MOXD1: variants seen among roughly 807,000 people sequenced by gnomAD.
The protein encoded by MOXD1 is DBH-like monooxygenase protein 1.
MOXD1 carries 62 observed loss-of-function variants against 66.6 expected under a neutral mutation model. That is an observed-to-expected ratio of 0.93 (90% CI 0.76 to 1.15). The LOEUF (loss-of-function observed/expected upper bound fraction) is 1.15, where lower values mean the gene tolerates loss of function less well. MOXD1 is among the 50% of genes most tolerant of loss of function. The probability of loss-of-function intolerance (pLI) is 0.00; values close to 1 mark genes in which losing one functional copy is unlikely to be tolerated. For synonymous variants in MOXD1, 303 were observed against 281.9 expected (o/e 1.07, Z -0.75); for missense variants, 847 against 754.6 (o/e 1.12, Z -1.44).
intron 4 of MOXD1, among the ~76,000 whole-genome samples, chr6:132,333,992 A>C (rs1775385624): frequency 6.6e-6 from 1 of 152,186 alleles, no homozygotes; most frequent in African/African-American, 2.4e-5. Context: ...AACAACAATA[A>C]ACAGTTGCTC....
chr6:132,360,085 T>C (rs1775986885), intron 4 of MOXD1, among the ~76,000 whole-genome samples: 2 of 152,212 alleles, frequency 1.3e-5, no homozygotes, highest in South Asian at 4.1e-4. Flanking sequence ...CAAGTATTCT[T>C]TGCCACATGT....
intron 1 of MOXD1, among the ~76,000 whole-genome samples, chr6:132,383,203 T>C (rs905707411): frequency 6.6e-6 from 1 of 152,216 alleles, no homozygotes; most frequent in Non-Finnish European, 1.5e-5. Context: ...TTTAATAATA[T>C]TGATAGTATA....
chr6:132,359,471 GT>G (rs56744072), intron 4 of MOXD1, among the ~76,000 whole-genome samples: 6 of 144,690 alleles, frequency 4.1e-5, no homozygotes, highest in Admixed American at 6.8e-5. Flanking sequence ...AATTGCCAGA[GT>G]TTTTTTTTTC....
At chr6:132,320,979 T>G (rs1381661375) in intron 8 of MOXD1, among the ~76,000 whole-genome samples, 1 of 152,158 alleles carries the variant, frequency 6.6e-6, no homozygotes, top group East Asian at 1.9e-4. Flanking sequence ...ATTGTTCTTA[T>G]TTTTGGCCCT....
chr6:132,359,501 T>C (rs1327326858), intron 4 of MOXD1, among the ~76,000 whole-genome samples: 4 of 149,922 alleles, frequency 2.7e-5, no homozygotes, highest in African/African-American at 9.8e-5. Flanking sequence ...TTTTTTTTTT[T>C]TTTGAGACGG....
chr6:132,356,078 G>A (rs1284078941), intron 4 of MOXD1, among the ~76,000 whole-genome samples: 4 of 152,116 alleles, frequency 2.6e-5, no homozygotes, highest in Non-Finnish European at 4.4e-5. Flanking sequence ...TGACCTCTGG[G>A]GACAGACAGT....
intron 9 of MOXD1, among the ~76,000 whole-genome samples, chr6:132,319,643 C>A (rs934919229): frequency 6.6e-6 from 1 of 151,616 alleles, no homozygotes; most frequent in African/African-American, 2.4e-5. Context: ...TTCTTTCTTT[C>A]TGATCCTTAT....
In MOXD1 at chr6:132,298,005, G is replaced by A. The variant is rs1359066264; in HGVS notation, c.1509-50C>T. The A allele has an allele frequency of 2.7e-6, 4 of 1,492,878 alleles. No homozygotes were observed. The South Asian group carries it at 5.3e-5, about 20-fold the overall frequency. 92.5% of individuals were successfully genotyped at this position (1,492,878 alleles called of 1,614,324 possible). A position where few individuals can be genotyped will look rare whatever the true frequency, so the allele number is the denominator to read the frequency against. ...CATATTCAGAACAAATGCATTACAT[G>A]TTTCCTTTACTTTTCAGCATCCTAA... On this transcript the variant is annotated intron_variant, in intron 10 of 11. Coordinates refer to ENST00000367963, the MANE Select transcript of MOXD1 (RefSeq NM_015529.4).
chr6:132,374,713 T>C lies in MOXD1; in HGVS notation c.329A>G (p.Tyr110Cys). 6.2e-7 allele frequency: 1 copy of C among 1,613,894 alleles called. No homozygotes were observed. Among genetic ancestry groups the C allele is most frequent in the African/African-American group, 1.3e-5 (1 of 75,054 alleles). The change falls in exon 2 of 12, where the codon TAT (tyrosine) becomes TGT (cysteine). Residue 110 changes from tyrosine (Y) to cysteine (C), a missense_variant. Coordinates refer to ENST00000367963, the MANE Select transcript of MOXD1 (RefSeq NM_015529.4). ...TGTGTGTGTGCTATTTTCCATGGCA[T>C]ATTCTAGATGGTAATCTTGCTGAGC... ...KDAQQDYHLE[Y>C]AMENSTHTII...
chr6:132,348,363 T>G (rs2114619271), intron 4 of MOXD1, among the ~76,000 whole-genome samples: 1 of 152,334 alleles, frequency 6.6e-6, no homozygotes, highest in Non-Finnish European at 1.5e-5. Context: ...TCCAGTACAT[T>G]TCAGTGCACT....
intron 10 of MOXD1, among the ~76,000 whole-genome samples, chr6:132,300,379 A>G (rs1452620557): frequency 6.6e-6 from 1 of 152,224 alleles, no homozygotes; most frequent in African/African-American, 2.4e-5. Flanking sequence ...AGCTACAGCT[A>G]TTGATCATTT....
At position 132,324,003 on chromosome 6, in the gene MOXD1, G is replaced by C. The variant is rs1400494535; in HGVS notation, c.1041C>G (p.Leu347=). Residue 347 remains leucine (L), a synonymous_variant, in exon 7 of 12, where the codon CTC becomes CTG. Transcript: ENST00000367963. The part of the protein sequence containing the change: ...GVIEAGLWVS[L]FHTIPPGMPE... The stretch of plus-strand genomic sequence containing the variant: ...GCATCCCTGGAGGGATGGTATGGAA[G>C]AGGCTCACCCAGAGGCCAGCCTCAA... 6.2e-7 allele frequency: 1 copy of C among 1,613,918 alleles called. No individual in the cohort carries two copies. Among genetic ancestry groups the C allele is most frequent in the African/African-American group, 1.3e-5 (1 of 74,904 alleles).
intron 4 of MOXD1, among the ~76,000 whole-genome samples, chr6:132,344,649 T>C (rs1582584628): frequency 3.9e-5 from 6 of 152,210 alleles, no homozygotes; most frequent in Admixed American, 3.9e-4. Flanking sequence ...CCTTCCCTAA[T>C]TGGTGTTTTA....
chr6:132,366,422 A>G (rs913354608), intron 4 of MOXD1, among the ~76,000 whole-genome samples: 2 of 152,114 alleles, frequency 1.3e-5, no homozygotes, highest in Non-Finnish European at 2.9e-5. Context: ...GTGAACACAT[A>G]AAAAAACAAT....
intron 4 of MOXD1, among the ~76,000 whole-genome samples, chr6:132,341,055 C>A (rs921643428): frequency 1.3e-5 from 2 of 152,166 alleles, no homozygotes; most frequent in Non-Finnish European, 2.9e-5. Flanking sequence ...GGAGTTATAA[C>A]AATAGTCATC....
In MOXD1 at chr6:132,369,956, T is replaced by G. The variant is rs190058388; in HGVS notation, c.663+2652A>C. 1.6e-3 allele frequency among the ~76,000 whole-genome samples: 236 copies of G among 152,210 alleles called. 1 individual carries two copies. Among genetic ancestry groups the G allele is most frequent in the South Asian group, 6.8e-3 (33 of 4,828 alleles). ...ATTTAAACTGCAAATACAAACAAAT[T>G]CTTTGTGCGAATTAGACACCAGAAA... On this transcript the variant is annotated intron_variant, in intron 4 of 11. Coordinates refer to ENST00000367963, the MANE Select transcript of MOXD1 (RefSeq NM_015529.4).
intron 1 of MOXD1, chr6:132,392,386 T>A: frequency 6.7e-7 from 1 of 1,501,794 alleles, no homozygotes; most frequent in African/African-American, 1.4e-5. Flanking sequence ...TTCATGCAAA[T>A]TCAACAGGCA....
chr6:132,303,756 T>C (rs1449098336), intron 10 of MOXD1, among the ~76,000 whole-genome samples: 1 of 41,434 alleles, frequency 2.4e-5, no homozygotes, highest in African/African-American at 7.3e-4. Context: ...CACATGTACA[T>C]ATATATATAT....
chr6:132,393,706 C>T (rs952309887), intron 1 of MOXD1, among the ~76,000 whole-genome samples: 1 of 152,140 alleles, frequency 6.6e-6, no homozygotes, highest in African/African-American at 2.4e-5. Flanking sequence ...ATGAAAGCCC[C>T]GCCCCTGCCA....
Sources: allele counts gnomAD v4.1 joint callset (sites outside exome capture counted in the v4.1 genomes callset), GRCh38; gene constraint gnomAD v4.1.1; transcripts MANE v1.5; gene names NCBI Gene and HGNC (gene_info 2026-07-23, HGNC 2026-07-21).